Variants in TNNI3K observed in about 807,000 individuals in gnomAD.
The protein encoded by TNNI3K is serine/threonine-protein kinase TNNI3K.
Under a neutral mutation model 114.5 loss-of-function variants are expected in TNNI3K, and 140 were observed. The ratio of observed to expected loss-of-function variants is 1.22; its 90% CI spans 1.07 to 1.41. TNNI3K has a LOEUF of 1.41. Ranked by LOEUF, TNNI3K falls within the 40% of genes most tolerant of loss-of-function variation. The pLI is 0.00. For missense variants in TNNI3K, 1,125 were observed against 1,007.6 expected (o/e 1.12, Z -1.58); for synonymous variants, 347 against 347.5 (o/e 1.00, Z 0.02).
At chr1:74,305,354 G>A (rs1172059122) in intron 5 of TNNI3K, among the ~76,000 whole-genome samples, 1 of 152,132 alleles carries the variant, frequency 6.6e-6, no homozygotes, top group Non-Finnish European at 1.5e-5. Flanking sequence ...CATGCTTTCA[G>A]GATCAATACC....
intron 9 of TNNI3K, among the ~76,000 whole-genome samples, chr1:74,352,001 T>C (rs1661376132): frequency 6.6e-6 from 1 of 152,208 alleles, no homozygotes; most frequent in Non-Finnish European, 1.5e-5. Flanking sequence ...CTTTGTTCCA[T>C]TGCTGGTGAG....
chr1:74,236,125 G>T lies in TNNI3K; in HGVS notation c.64G>T (p.Glu22Ter). 1.2e-6 allele frequency: 2 copies of T among 1,606,654 alleles called. No homozygotes were observed. The highest frequency in any genetic ancestry group is 2.2e-5 in the South Asian group (2 of 90,424). ...AGATGAATGGAAGAAAAAAGTCAGTGAATCATATGTTATCACAATAGAAAG... is the reference window on the plus strand; with the variant it reads ...AGATGAATGGAAGAAAAAAGTCAGTTAATCATATGTTATCACAATAGAAAG... ...CTDEWKKKVS[E>*]SYVITIERLE... The change falls in exon 2 of 25, where the codon GAA (glutamate) becomes TAA (stop). Residue 22 changes from glutamate to a stop codon, truncating the protein, a stop_gained. Coordinates refer to ENST00000326637, the MANE Select transcript of TNNI3K (RefSeq NM_015978.3). LOFTEE classifies it high-confidence loss of function.
rs45452500 is a variant in TNNI3K, at chr1:74,476,004, T to C, written c.2121+12454T>C. Among the ~76,000 whole-genome samples the C allele has an allele frequency of 4.6e-3, 696 of 152,312 alleles. 7 individuals carry two copies. Among genetic ancestry groups the C allele is most frequent in the African/African-American group, 0.016 (665 of 41,582 alleles). On this transcript the variant is annotated intron_variant, in intron 21 of 24. Transcript: ENST00000326637. Reference sequence around the variant, plus strand: ...ACATTGTTCTGCTTTCCAATTTGGATCTTTATACCTATTAAAAATTATAAG... The same window carrying C: ...ACATTGTTCTGCTTTCCAATTTGGACCTTTATACCTATTAAAAATTATAAG...
chr1:74,436,478 A>C lies in TNNI3K; in HGVS notation c.1830A>C (p.Ser610=). The C allele has an allele frequency of 1.3e-6, 2 of 1,578,674 alleles. No individual in the cohort carries two copies. The highest frequency in any genetic ancestry group is 1.7e-6 in the Non-Finnish European group (2 of 1,170,730). Residue 610 remains serine, a synonymous_variant, in exon 19 of 25, where the codon TCA becomes TCC. Transcript: ENST00000326637. ...GHAVVADFGE[S]RFLQSLDEDN... is the part of the protein sequence containing the mutation. ...TTTATTTTCTCTTTCCCTCAGAATC[A>C]AGATTTCTACAGTCTCTGGATGAAG...
chr1:74,282,890 A>G (rs1441439289), intron 5 of TNNI3K, among the ~76,000 whole-genome samples: 2 of 152,184 alleles, frequency 1.3e-5, no homozygotes, highest in East Asian at 3.9e-4. Flanking sequence ...ATCTCAGACT[A>G]CCATAATTTG....
intron 7 of TNNI3K, among the ~76,000 whole-genome samples, chr1:74,342,307 C>T (rs900776402): frequency 1.3e-5 from 2 of 152,108 alleles, no homozygotes; most frequent in Non-Finnish European, 2.9e-5. Flanking sequence ...GTCTAAATTG[C>T]TTTTCCCTTC....
chr1:74,510,288 C>T (rs575067662), intron 23 of TNNI3K, among the ~76,000 whole-genome samples: 14 of 152,092 alleles, frequency 9.2e-5, no homozygotes, highest in African/African-American at 3.1e-4. Flanking sequence ...GGGCAGATCA[C>T]GAGGTCAGGA....
chr1:74,475,177 T>C, intron 21 of TNNI3K: 1 of 554,680 alleles, frequency 1.8e-6, no homozygotes, highest in Non-Finnish European at 3.2e-6. Flanking sequence ...AGAAAAGGAA[T>C]AGACTAGTGC....
At chr1:74,341,407 T>A (rs560695594) in intron 7 of TNNI3K, among the ~76,000 whole-genome samples, 1 of 152,304 alleles carries the variant, frequency 6.6e-6, no homozygotes, top group East Asian at 1.9e-4. Context: ...TCTTTATTCT[T>A]TTCAGCATCC....
chr1:74,336,387 A>G (rs2100426046), intron 7 of TNNI3K, among the ~76,000 whole-genome samples: 1 of 152,284 alleles, frequency 6.6e-6, no homozygotes, highest in Non-Finnish European at 1.5e-5. Context: ...TTTAGGGTAC[A>G]TGTGCACAAC....
chr1:74,242,624 T>C (rs1343757691), intron 2 of TNNI3K, among the ~76,000 whole-genome samples: 1 of 152,146 alleles, frequency 6.6e-6, no homozygotes, highest in Admixed American at 6.5e-5. Flanking sequence ...TTATTTGGCA[T>C]GTTTGGTAGT....
intron 17 of TNNI3K, among the ~76,000 whole-genome samples, chr1:74,399,061 C>G (rs1664226166): frequency 6.7e-6 from 1 of 149,112 alleles, no homozygotes; most frequent in African/African-American, 2.5e-5. Flanking sequence ...GAGTCTTAGG[C>G]AGGAGAATCG....
chr1:74,328,454 C>T (rs1660030202), intron 5 of TNNI3K, among the ~76,000 whole-genome samples: 1 of 152,056 alleles, frequency 6.6e-6, no homozygotes, highest in Non-Finnish European at 1.5e-5. Context: ...CTGGGAGATA[C>T]TCTCCCCATC....
At chr1:74,513,790 A>T (rs1273243285) in intron 23 of TNNI3K, among the ~76,000 whole-genome samples, 1 of 152,238 alleles carries the variant, frequency 6.6e-6, no homozygotes, top group Non-Finnish European at 1.5e-5. Flanking sequence ...GAATTTCAGC[A>T]AATCTAATTC....
In TNNI3K at chr1:74,385,021, T is replaced by G. The variant is rs568449711; in HGVS notation, c.1772+14629T>G. On this transcript the variant is annotated intron_variant, in intron 17 of 24. Transcript: ENST00000326637. The stretch of plus-strand genomic sequence containing the variant: ...ATTTATCTAACCCATCCTTTTCACT[T>G]CTCAGCTACTCCTCACTCCTCCTAA... Among the ~76,000 whole-genome samples, 8 of 152,272 alleles carry G rather than the reference T, an allele frequency of 5.3e-5. No homozygotes were observed. In the East Asian group the frequency reaches 1.4e-3, roughly 26 times the overall value.
rs45622634 is a variant in TNNI3K, at chr1:74,475,598, T to C, written c.2121+12048T>C. The C allele has an allele frequency of 3.0e-4, 217 of 717,382 alleles. 1 individual carries two copies. In the African/African-American group the frequency reaches 3.4e-3, roughly 11 times the overall value. The allele number at this position is 717,382 out of a possible 1,614,324, so 44.4% of individuals were successfully genotyped here. A position where few individuals can be genotyped will look rare whatever the true frequency, so the allele number is the denominator to read the frequency against. ...TCCTGTAAAAGTGGCATTTCTTTTC[T>C]GGACCCCACAGTGGACATGACCTTT... is the stretch of plus-strand genomic sequence containing the variant. On this transcript the variant is annotated intron_variant, in intron 21 of 24. Coordinates refer to ENST00000326637, the MANE Select transcript of TNNI3K (RefSeq NM_015978.3).
intron 17 of TNNI3K, among the ~76,000 whole-genome samples, chr1:74,421,499 T>TA (rs1384932129): frequency 2.0e-5 from 3 of 152,136 alleles, no homozygotes; most frequent in Non-Finnish European, 4.4e-5. Context: ...GGTAATTTTT[T>TA]AAAAAAGAAA....
At chr1:74,316,023 T>C (rs1304353127) in intron 5 of TNNI3K, among the ~76,000 whole-genome samples, 1 of 152,162 alleles carries the variant, frequency 6.6e-6, no homozygotes, top group Non-Finnish European at 1.5e-5. Flanking sequence ...ATTTGAAATA[T>C]AATTATATAC....
chr1:74,464,779 G>T (rs1364244353), intron 21 of TNNI3K: 2 of 1,536,030 alleles, frequency 1.3e-6, no homozygotes, highest in Non-Finnish European at 1.8e-6. Context: ...TGTGTTACAT[G>T]TTTATTTGTT....
Sources: gnomAD v4.1 joint callset for allele counts (sites outside exome capture counted in the v4.1 genomes callset) on GRCh38, gnomAD v4.1.1 for gene constraint, MANE v1.5 for transcripts, NCBI Gene and HGNC (gene_info 2026-07-23, HGNC 2026-07-21) for gene names.